VTI1A: variants seen among roughly 807,000 people sequenced by gnomAD.
VTI1A encodes the protein vesicle transport through interaction with t-SNAREs 1A, also known as vesicle transport through interaction with t-SNAREs homolog 1A.
In VTI1A, 22 loss-of-function variants were observed where a neutral mutation model predicts 34.9. The ratio of observed to expected loss-of-function variants is 0.63; its 90% confidence interval spans 0.45 to 0.90. The LOEUF is 0.90. VTI1A is among the 40% of genes least tolerant of loss of function. VTI1A has a pLI of 0.00. For synonymous variants in VTI1A, 87 were observed against 97.3 expected, an observed-to-expected ratio of 0.89 and a Z score of 0.62; for missense variants, 268 against 275.6, an observed-to-expected ratio of 0.97 and a Z score of 0.20.
intron 7 of VTI1A, among the ~76,000 whole-genome samples, chr10:112,704,406 A>G (rs762231570): frequency 1.3e-5 from 2 of 152,198 alleles, no homozygotes; most frequent in Non-Finnish European, 2.9e-5. Context: ...CAGGGACAAT[A>G]TGTTATTTTC....
At chr10:112,814,643 A>G (rs1853445080) in intron 7 of VTI1A, among the ~76,000 whole-genome samples, 1 of 152,150 alleles carries the variant, frequency 6.6e-6, no homozygotes, top group African/African-American at 2.4e-5. Context: ...ACAGACGCAC[A>G]ACAGGCACCT....
rs769226433 is a variant in VTI1A at position 112,447,366 on chromosome 10, G to A, written c.-8G>A. ...GCTTTGGCCTGGGCTACTCGTTCCG[G>A]AGCCGCCATGTCGTCCGACTTCGAA... On this transcript the variant is annotated 5_prime_UTR_variant, in exon 1 of 8. Coordinates refer to ENST00000393077, the MANE Select transcript of VTI1A (RefSeq NM_145206.4). The A allele has an allele frequency of 6.2e-7, 1 of 1,612,384 alleles. No individual in the cohort carries two copies. The highest frequency in any genetic ancestry group is 8.5e-7 in the Non-Finnish European group (1 of 1,179,590).
chr10:112,678,979 GT>G (rs11411675), intron 7 of VTI1A, among the ~76,000 whole-genome samples: 1 of 151,858 alleles, frequency 6.6e-6, no homozygotes, highest in South Asian at 2.1e-4. Flanking sequence ...TTTCATTTTT[GT>G]TTTTTTCTAT....
intron 7 of VTI1A, among the ~76,000 whole-genome samples, chr10:112,771,967 A>G (rs569622781): frequency 6.1e-4 from 93 of 152,292 alleles, no homozygotes; most frequent in African/African-American, 2.2e-3. Flanking sequence ...GCCAATGGAC[A>G]TTTAGGTTGT....
chr10:112,775,798 T>C (rs1851940747), intron 7 of VTI1A, among the ~76,000 whole-genome samples: 2 of 152,224 alleles, frequency 1.3e-5, no homozygotes, highest in Non-Finnish European at 1.5e-5. Flanking sequence ...GACACAGGTC[T>C]CTCTCTTTTG....
chr10:112,585,534 A>G (rs1844114276), intron 5 of VTI1A, among the ~76,000 whole-genome samples: 2 of 152,158 alleles, frequency 1.3e-5, no homozygotes, highest in Non-Finnish European at 1.5e-5. Context: ...GAATATTCTT[A>G]TAGGCATAAG....
chr10:112,730,853 A>G (rs1397845460), intron 7 of VTI1A, among the ~76,000 whole-genome samples: 1 of 152,192 alleles, frequency 6.6e-6, no homozygotes, highest in Admixed American at 6.5e-5. Context: ...TACTAAAAAG[A>G]TGGGATTTGC....
chr10:112,650,306 G>C (rs117614830), intron 5 of VTI1A, among the ~76,000 whole-genome samples: 1,754 of 152,112 alleles, frequency 0.012, 21 homozygotes, highest in South Asian at 0.02. Context: ...ACATGGTCAG[G>C]ATCATCAGTA....
intron 7 of VTI1A, among the ~76,000 whole-genome samples, chr10:112,712,704 T>C (rs550623408): frequency 6.6e-6 from 1 of 152,320 alleles, no homozygotes; most frequent in East Asian, 1.9e-4. Context: ...ACCCTGATTT[T>C]CCACTTGTAC....
intron 5 of VTI1A, among the ~76,000 whole-genome samples, chr10:112,545,873 C>CAT (rs1851063569): frequency 6.6e-6 from 1 of 151,122 alleles, no homozygotes; most frequent in African/African-American, 2.4e-5. Flanking sequence ...GTGTATTTTG[C>CAT]ATATATATGT....
intron 1 of VTI1A, among the ~76,000 whole-genome samples, chr10:112,452,191 G>T (rs985069795): frequency 6.6e-6 from 1 of 152,128 alleles, no homozygotes; most frequent in African/African-American, 2.4e-5. Context: ...ATGAGCTGCT[G>T]GGCAAGGTCC....
At chr10:112,736,482 G>T (rs1850476674) in intron 7 of VTI1A, among the ~76,000 whole-genome samples, 2 of 152,124 alleles carry the variant, frequency 1.3e-5, no homozygotes, top group African/African-American at 4.8e-5. Context: ...AGGTGGGTGG[G>T]TGGATGGATG....
intron 7 of VTI1A, among the ~76,000 whole-genome samples, chr10:112,671,514 T>A (rs1398925061): frequency 6.6e-6 from 1 of 152,112 alleles, no homozygotes; most frequent in Non-Finnish European, 1.5e-5. Flanking sequence ...AACCAAGGAG[T>A]TGCTTTATTT....
chr10:112,725,794 C>T (rs1475868106), intron 7 of VTI1A, among the ~76,000 whole-genome samples: 1 of 152,200 alleles, frequency 6.6e-6, no homozygotes, highest in Non-Finnish European at 1.5e-5. Context: ...ATGATGCTTG[C>T]TTGTTTGTTT....
At chr10:112,684,309 A>G (rs1405799045) in intron 7 of VTI1A, among the ~76,000 whole-genome samples, 1 of 152,148 alleles carries the variant, frequency 6.6e-6, no homozygotes, top group Non-Finnish European at 1.5e-5. Flanking sequence ...CCTCATAGAA[A>G]TATTTCCTTT....
intron 7 of VTI1A, among the ~76,000 whole-genome samples, chr10:112,785,311 A>G (rs1852251456): frequency 6.6e-6 from 1 of 152,216 alleles, no homozygotes; most frequent in East Asian, 1.9e-4. Context: ...ACCAGAGGCA[A>G]TGCAGAGAAG....
chr10:112,658,578 T>C (rs1002381869), intron 5 of VTI1A, among the ~76,000 whole-genome samples: 5 of 152,182 alleles, frequency 3.3e-5, no homozygotes, highest in Non-Finnish European at 5.9e-5. Context: ...AGACATGGCC[T>C]CATCTTTAAA....
chr10:112,472,964 T>C (rs1314880784), intron 3 of VTI1A, among the ~76,000 whole-genome samples: 2 of 130,226 alleles, frequency 1.5e-5, no homozygotes, highest in African/African-American at 5.3e-5. Context: ...ATTCTGAAAA[T>C]GAAGAAGAGT....
At chr10:112,798,059 CT>C (rs1564929679) in intron 7 of VTI1A, among the ~76,000 whole-genome samples, 1 of 11,596 alleles carries the variant, frequency 8.6e-5, no homozygotes, top group Non-Finnish European at 6.0e-4. Flanking sequence ...AAACACCAGG[CT>C]CCAAAGCTTC....
Sources: allele counts gnomAD v4.1 joint callset (sites outside exome capture counted in the v4.1 genomes callset), GRCh38; gene constraint gnomAD v4.1.1; transcripts MANE v1.5; gene names NCBI Gene and HGNC (gene_info 2026-07-23, HGNC 2026-07-21).